Variants in PRKAG2 observed in about 807,000 individuals in gnomAD.
PRKAG2 encodes the protein 5'-AMP-activated protein kinase subunit gamma-2.
A neutral mutation model predicts 69.6 loss-of-function variants in PRKAG2; 26 were observed. The observed-to-expected ratio is 0.37, with a 90% CI of 0.27 to 0.52. The LOEUF is 0.52. Among genes scored for constraint, PRKAG2 ranks in the 20% least tolerant of loss-of-function variants. The pLI is 0.90. For synonymous variants in PRKAG2, 293 were observed against 285.0 expected (o/e 1.03, Z -0.28); for missense variants, 557 against 740.0 (o/e 0.75, Z 2.87).
chr7:151,713,104 C>T (rs905324405), intron 3 of PRKAG2, among the ~76,000 whole-genome samples: 9 of 152,084 alleles, frequency 5.9e-5, no homozygotes, highest in Non-Finnish European at 8.8e-5. Flanking sequence ...ATGGCACTGT[C>T]AAATCGAGGC....
chr7:151,750,885 A>C (rs931085623), intron 3 of PRKAG2, among the ~76,000 whole-genome samples: 1 of 152,122 alleles, frequency 6.6e-6, no homozygotes. Flanking sequence ...TCTCCAAAAA[A>C]AAAAAAAATT....
chr7:151,749,382 C>G (rs1391135360), intron 3 of PRKAG2, among the ~76,000 whole-genome samples: 1 of 152,222 alleles, frequency 6.6e-6, no homozygotes, highest in African/African-American at 2.4e-5. Flanking sequence ...CTCACTCTCT[C>G]TGCTTCCTCC....
intron 3 of PRKAG2, among the ~76,000 whole-genome samples, chr7:151,706,985 T>A (rs557487455): frequency 2.6e-4 from 40 of 152,324 alleles, no homozygotes; most frequent in African/African-American, 8.4e-4. Context: ...TGTTCGGACC[T>A]GCCTGCAGTC....
chr7:151,740,401 G>A (rs1406878499), intron 3 of PRKAG2, among the ~76,000 whole-genome samples: 2 of 152,234 alleles, frequency 1.3e-5, no homozygotes, highest in African/African-American at 4.8e-5. Context: ...GCACAGCAGT[G>A]GCAGCAGCCC....
At chr7:151,862,989 CTGGGGTG>C (rs2079971495) in intron 1 of PRKAG2, among the ~76,000 whole-genome samples, 1 of 150,562 alleles carries the variant, frequency 6.6e-6, no homozygotes, top group African/African-American at 2.5e-5. Context: ...CTGGTAGGTC[CTGGGGTG>C]CAGGGGGTGC....
intron 3 of PRKAG2, among the ~76,000 whole-genome samples, chr7:151,735,506 C>CCT (rs543124095): frequency 1.3e-5 from 2 of 152,158 alleles, no homozygotes; most frequent in Non-Finnish European, 2.9e-5. Flanking sequence ...GGGAAGAAGA[C>CCT]CTCTCTCTTC....
intron 3 of PRKAG2, among the ~76,000 whole-genome samples, chr7:151,776,720 C>T (rs968355536): frequency 6.6e-6 from 1 of 152,234 alleles, no homozygotes; most frequent in African/African-American, 2.4e-5. Flanking sequence ...AGATGGCAGG[C>T]CCAGCCGGGG....
At chr7:151,717,234 G>A (rs1243436495) in intron 3 of PRKAG2, among the ~76,000 whole-genome samples, 4 of 148,418 alleles carry the variant, frequency 2.7e-5, no homozygotes, top group Middle Eastern at 3.2e-3. Flanking sequence ...GCAACAGACC[G>A]AGACCCCATG....
intron 3 of PRKAG2, among the ~76,000 whole-genome samples, chr7:151,715,813 G>A (rs976597554): frequency 2.0e-5 from 3 of 151,776 alleles, no homozygotes; most frequent in African/African-American, 7.3e-5. Context: ...GGTGCTCAAG[G>A]CGAAAGGCAA....
At chr7:151,659,936 G>C (rs1563364788) in intron 4 of PRKAG2, among the ~76,000 whole-genome samples, 1 of 152,340 alleles carries the variant, frequency 6.6e-6, no homozygotes, top group African/African-American at 2.4e-5. Context: ...GTGCATGCCT[G>C]TAGTCCCAGC....
chr7:151,810,613 C>G (rs1273862684), intron 1 of PRKAG2: 2 of 153,232 alleles, frequency 1.3e-5, no homozygotes, highest in Non-Finnish European at 2.9e-5. Context: ...GCGCCTGCAG[C>G]CCATGGGCTG....
chr7:151,868,569 GA>G (rs1240530233), intron 1 of PRKAG2, among the ~76,000 whole-genome samples: 5 of 152,264 alleles, frequency 3.3e-5, no homozygotes, highest in Non-Finnish European at 5.9e-5. Flanking sequence ...GACGTTGACA[GA>G]ACTGTGGGGT....
At chr7:151,757,656 C>G (rs951513232) in intron 3 of PRKAG2, among the ~76,000 whole-genome samples, 1 of 152,218 alleles carries the variant, frequency 6.6e-6, no homozygotes, top group African/African-American at 2.4e-5. Flanking sequence ...TCCAGCGGAT[C>G]CTCTGTGCCC....
At chr7:151,612,270 A>G (rs1164140366) in intron 5 of PRKAG2, among the ~76,000 whole-genome samples, 1 of 152,184 alleles carries the variant, frequency 6.6e-6, no homozygotes, top group Non-Finnish European at 1.5e-5. Flanking sequence ...TGCACTGCAG[A>G]GTGAGCGTCA....
intron 3 of PRKAG2, among the ~76,000 whole-genome samples, chr7:151,748,706 T>C (rs1226808651): frequency 1.3e-5 from 2 of 152,178 alleles, no homozygotes; most frequent in Non-Finnish European, 2.9e-5. Context: ...TGGTGATAAG[T>C]ATCTATAGCA....
At chr7:151,672,229 G>T (rs1832164834) in intron 4 of PRKAG2, among the ~76,000 whole-genome samples, 5 of 152,014 alleles carry the variant, frequency 3.3e-5, no homozygotes, top group Admixed American at 3.3e-4. Context: ...AGCCTCCCAA[G>T]TAGCTGGGAT....
intron 5 of PRKAG2, 100 bp downstream of exon 5, chr7:151,631,969 G>T: frequency 1.9e-6 from 2 of 1,077,298 alleles, no homozygotes; most frequent in East Asian, 9.6e-5. Flanking sequence ...GCTCGCCGTG[G>T]GGCAGCGCCG....
chr7:151,671,398 A>G (rs1832020048), intron 4 of PRKAG2, among the ~76,000 whole-genome samples: 1 of 152,212 alleles, frequency 6.6e-6, no homozygotes, highest in South Asian at 2.1e-4. Context: ...ATTCCTCCAC[A>G]GAGATTATCC....
intron 4 of PRKAG2, among the ~76,000 whole-genome samples, chr7:151,669,594 A>G (rs1243779699): frequency 3.3e-5 from 5 of 152,166 alleles, no homozygotes; most frequent in Non-Finnish European, 1.5e-5. Flanking sequence ...TTCACCTACT[A>G]TTATAGCACC....
Sources: allele counts gnomAD v4.1 joint callset (sites outside exome capture counted in the v4.1 genomes callset), GRCh38; gene constraint gnomAD v4.1.1; transcripts MANE v1.5; gene names NCBI Gene and HGNC (gene_info 2026-07-23, HGNC 2026-07-21).